PCDHA6: variants seen among roughly 807,000 people sequenced by gnomAD.
The protein encoded by PCDHA6 is protocadherin alpha 6, also known as protocadherin alpha-6.
PCDHA6 carries 55 observed loss-of-function variants against 60.3 expected under a neutral mutation model. The ratio of observed to expected loss-of-function variants is 0.91; its 90% confidence interval spans 0.73 to 1.14. The LOEUF is 1.14. Among genes scored for constraint, PCDHA6 ranks in the 50% most tolerant of loss-of-function variants. The probability of loss-of-function intolerance (pLI) is 0.00; values close to 1 mark genes in which losing one functional copy is unlikely to be tolerated. For missense variants in PCDHA6, 1,327 were observed against 1,256.5 expected (o/e 1.06, Z -0.85); for synonymous variants, 652 against 557.9 (o/e 1.17, Z -2.38).
At chr5:140,926,911 G>A (rs1248832475) in intron 1 of PCDHA6, 4 of 1,561,318 alleles carry the variant, frequency 2.6e-6, no homozygotes, top group Non-Finnish European at 3.5e-6. Flanking sequence ...CTGTGGGGTG[G>A]CAGTTTTATG....
rs2150373759 is a variant in PCDHA6 at position 140,844,778 on chromosome 5, T to C, written c.2394+14293T>C. On this transcript the variant is annotated intron_variant, in intron 1 of 3. Coordinates refer to ENST00000529310, the MANE Select transcript of PCDHA6 (RefSeq NM_018909.4). ...TTTGAAAAATCCAAGATACTTTATT[T>C]TGGTATCTTTCAACATTTTCTTTCT... Among the ~76,000 whole-genome samples the C allele has an allele frequency of 4.0e-5, 6 of 149,392 alleles. 1 individual carries two copies. Among genetic ancestry groups the C allele is most frequent in the African/African-American group, 1.5e-4 (6 of 40,816 alleles).
At chr5:140,848,684 G>C (rs2040546580) in intron 1 of PCDHA6, 1 of 1,592,318 alleles carries the variant, frequency 6.3e-7, no homozygotes, top group African/African-American at 1.3e-5. Flanking sequence ...TGCCGCGCCT[G>C]TTCCAGTTGG....
rs2098415868 is a variant in PCDHA6 at position 141,010,044 on chromosome 5, G to A, written c.*107G>A. On this transcript the variant is annotated 3_prime_UTR_variant, in exon 4 of 4. Coordinates refer to ENST00000529310, the MANE Select transcript of PCDHA6 (RefSeq NM_018909.4). ...TTTCCTATCTACATGAGCCCTCTTA[G>A]AGACCTCAGAAATCTGCAGAAAGTT... 6.3e-7 allele frequency: 1 copy of A among 1,594,604 alleles called. No individual in the cohort carries two copies. The highest frequency in any genetic ancestry group is 8.5e-7 in the Non-Finnish European group (1 of 1,171,226).
intron 1 of PCDHA6, among the ~76,000 whole-genome samples, chr5:140,964,685 A>G (rs1209867922): frequency 1.3e-5 from 2 of 152,036 alleles, no homozygotes; most frequent in African/African-American, 4.8e-5. Context: ...CAATTTGTGC[A>G]CTTGAGAGAT....
intron 1 of PCDHA6, chr5:140,863,107 G>A (rs1554157777): frequency 1.7e-6 from 1 of 582,652 alleles, no homozygotes; most frequent in Admixed American, 1.9e-5. Flanking sequence ...TACCCTGGAC[G>A]AGGCGAAAGC....
chr5:140,848,945 T>G (rs1554142609), intron 1 of PCDHA6: 5 of 1,607,094 alleles, frequency 3.1e-6, no homozygotes, highest in South Asian at 1.1e-5. Flanking sequence ...CGCTTGACTC[T>G]CGGTTTCCAC....
In PCDHA6 at chr5:140,853,235, T is replaced by C. The variant is rs2150529918; in HGVS notation, c.2394+22750T>C. Reference sequence around the variant, plus strand: ...TTGATGGGATTGGTAATTTAGTCCTTCATATTAATCTCTATTCTCTCTCAG... The same window carrying C: ...TTGATGGGATTGGTAATTTAGTCCTCCATATTAATCTCTATTCTCTCTCAG... On this transcript the variant is annotated intron_variant, in intron 1 of 3. Coordinates refer to ENST00000529310, the MANE Select transcript of PCDHA6 (RefSeq NM_018909.4). 4 of 980,668 alleles carry C rather than the reference T, an allele frequency of 4.1e-6. No individual in the cohort carries two copies. In the East Asian group the frequency reaches 4.6e-4, roughly 112 times the overall value. The allele number at this position is 980,668 out of a possible 1,614,324, so 60.7% of individuals were successfully genotyped here. A position where few individuals can be genotyped will look rare whatever the true frequency, so the allele number is the denominator to read the frequency against.
chr5:140,857,154 C>T (rs147581214), intron 1 of PCDHA6: 7 of 1,598,342 alleles, frequency 4.4e-6, no homozygotes, highest in Non-Finnish European at 6.0e-6. Flanking sequence ...ACCGTCATTG[C>T]CCTAATCAGC....
At chr5:140,835,560 G>C in intron 1 of PCDHA6, 1 of 1,613,902 alleles carries the variant, frequency 6.2e-7, no homozygotes. Context: ...GACGCCCCGC[G>C]TTCCCTTCAA....
chr5:140,893,135 T>C (rs1405005785), intron 1 of PCDHA6, among the ~76,000 whole-genome samples: 1 of 152,252 alleles, frequency 6.6e-6, no homozygotes, highest in Non-Finnish European at 1.5e-5. Flanking sequence ...ATTTTCTTTA[T>C]CCACTCATCT....
chr5:140,844,242 G>T (rs73280579), intron 1 of PCDHA6, among the ~76,000 whole-genome samples: 1 of 149,206 alleles, frequency 6.7e-6, no homozygotes. Flanking sequence ...CACTATTGCC[G>T]TTTTAAGCAG....
chr5:140,863,595 A>T (rs976338326), intron 1 of PCDHA6: 15 of 357,408 alleles, frequency 4.2e-5, no homozygotes, highest in Admixed American at 3.4e-4. Flanking sequence ...AAAGTATTTC[A>T]TTCCTATTAA....
chr5:140,869,748 A>G, intron 1 of PCDHA6: 1 of 1,613,334 alleles, frequency 6.2e-7, no homozygotes, highest in Admixed American at 1.7e-5. Flanking sequence ...TAACAGCTAC[A>G]GACGGGGGAA....
chr5:141,008,300 C>G (rs1272725012), intron 3 of PCDHA6, among the ~76,000 whole-genome samples: 3 of 152,162 alleles, frequency 2.0e-5, no homozygotes, highest in African/African-American at 7.2e-5. Context: ...GTACCCAACC[C>G]TAAACTGTAA....
intron 1 of PCDHA6, chr5:140,969,176 G>T (rs1554231542): frequency 6.2e-7 from 1 of 1,614,102 alleles, no homozygotes; most frequent in African/African-American, 1.3e-5. Context: ...CTCAGGGAGT[G>T]ACACTTTCAT....
intron 1 of PCDHA6, among the ~76,000 whole-genome samples, chr5:140,916,528 C>T (rs2077601043): frequency 6.6e-6 from 1 of 152,154 alleles, no homozygotes; most frequent in South Asian, 2.1e-4. Context: ...TGGGTCCTTC[C>T]CACCAAGGCA....
intron 1 of PCDHA6, chr5:140,875,484 C>A: frequency 6.2e-7 from 1 of 1,611,246 alleles, no homozygotes. Context: ...TGGTGATTAT[C>A]GGACCAAGAG....
chr5:140,929,207 G>T (rs782298445), intron 1 of PCDHA6: 2 of 1,614,106 alleles, frequency 1.2e-6, no homozygotes, highest in Non-Finnish European at 1.7e-6. Flanking sequence ...TTGCTGTTGC[G>T]TGGGGAGTAC....
chr5:140,906,575 T>C (rs1443480852), intron 1 of PCDHA6, among the ~76,000 whole-genome samples: 1 of 152,242 alleles, frequency 6.6e-6, no homozygotes, highest in Non-Finnish European at 1.5e-5. Context: ...ATAGCTGGTA[T>C]TGATGACTAC....
Sources: gnomAD v4.1 joint callset for allele counts (sites outside exome capture counted in the v4.1 genomes callset) on GRCh38, gnomAD v4.1.1 for gene constraint, MANE v1.5 for transcripts, NCBI Gene and HGNC (gene_info 2026-07-23, HGNC 2026-07-21) for gene names.